LRMDA: variants seen among roughly 807,000 people sequenced by gnomAD.
The protein encoded by LRMDA is leucine rich melanocyte differentiation associated, also known as leucine-rich melanocyte differentiation-associated protein.
In LRMDA, 18 loss-of-function variants were observed where a neutral mutation model predicts 29.8. That is an observed-to-expected ratio of 0.60 (90% CI 0.42 to 0.90). LRMDA has a LOEUF of 0.90. Among genes scored for constraint, LRMDA ranks in the 40% least tolerant of loss-of-function variants. LRMDA has a pLI of 0.00. For synonymous variants in LRMDA, 125 were observed against 109.4 expected, an observed-to-expected ratio of 1.14 and a Z score of -0.89; for missense variants, 273 against 273.9, an observed-to-expected ratio of 1.00 and a Z score of 0.02.
intron 2 of LRMDA, among the ~76,000 whole-genome samples, chr10:75,775,752 A>C (rs771992597): frequency 3.9e-5 from 6 of 152,178 alleles, no homozygotes; most frequent in Admixed American, 6.5e-5. Context: ...CTCAATTCTT[A>C]TGGCATTGTC....
intron 2 of LRMDA, among the ~76,000 whole-genome samples, chr10:75,499,721 G>T (rs752345418): frequency 6.6e-6 from 1 of 152,194 alleles, no homozygotes; most frequent in Non-Finnish European, 1.5e-5. Flanking sequence ...GACACAGTGT[G>T]TGGGGAGGTG....
chr10:76,309,484 A>C (rs1002452046), intron 5 of LRMDA, among the ~76,000 whole-genome samples: 1 of 152,312 alleles, frequency 6.6e-6, no homozygotes, highest in East Asian at 1.9e-4. Context: ...TAGTGGGAGC[A>C]GACTCGAGCA....
At chr10:75,579,498 A>T (rs962432077) in intron 2 of LRMDA, among the ~76,000 whole-genome samples, 1 of 152,250 alleles carries the variant, frequency 6.6e-6, no homozygotes, top group Non-Finnish European at 1.5e-5. Flanking sequence ...AGGCATAAAG[A>T]GGAGCTGGTA....
At chr10:76,203,001 A>G (rs896530050) in intron 5 of LRMDA, among the ~76,000 whole-genome samples, 1 of 152,164 alleles carries the variant, frequency 6.6e-6, no homozygotes, top group Non-Finnish European at 1.5e-5. Context: ...TGCCATTGAG[A>G]AAGAGCTACT....
At chr10:76,256,198 T>C (rs1486581275) in intron 5 of LRMDA, among the ~76,000 whole-genome samples, 1 of 152,202 alleles carries the variant, frequency 6.6e-6, no homozygotes, top group Non-Finnish European at 1.5e-5. Context: ...CAATAGAGTA[T>C]CACAGTGAAG....
At chr10:75,487,222 C>T (rs1207315565) in intron 2 of LRMDA, among the ~76,000 whole-genome samples, 3 of 152,204 alleles carry the variant, frequency 2.0e-5, no homozygotes, top group Non-Finnish European at 4.4e-5. Context: ...ATCCAGCCTC[C>T]ATATAATATA....
intron 2 of LRMDA, among the ~76,000 whole-genome samples, chr10:75,600,829 A>G (rs570156257): frequency 2.6e-5 from 4 of 152,368 alleles, no homozygotes; most frequent in East Asian, 3.9e-4. Context: ...TTGCTGGGCT[A>G]TGATCTACTA....
chr10:75,921,053 CTTTAGATA>C (rs1409134228), intron 2 of LRMDA, among the ~76,000 whole-genome samples: 1 of 152,180 alleles, frequency 6.6e-6, no homozygotes, highest in Non-Finnish European at 1.5e-5. Flanking sequence ...TGGATTCACT[CTTTAGATA>C]TTTAAACAGG....
intron 6 of LRMDA, among the ~76,000 whole-genome samples, chr10:76,510,113 T>C (rs1002534946): frequency 5.3e-5 from 8 of 152,198 alleles, no homozygotes; most frequent in African/African-American, 1.4e-4. Flanking sequence ...CTTTGTTGTC[T>C]AGGCTGGAGT....
At chr10:76,203,627 T>G (rs936750529) in intron 5 of LRMDA, among the ~76,000 whole-genome samples, 2 of 152,274 alleles carry the variant, frequency 1.3e-5, no homozygotes, top group Admixed American at 1.3e-4. Context: ...CTTGCCCTGA[T>G]AGGGATTGTG....
At chr10:75,674,357 T>A (rs540633122) in intron 2 of LRMDA, among the ~76,000 whole-genome samples, 1 of 152,270 alleles carries the variant, frequency 6.6e-6, no homozygotes, top group East Asian at 1.9e-4. Context: ...TATATATATA[T>A]AACAGATAAG....
chr10:76,367,023 G>C (rs1301504023), intron 6 of LRMDA, among the ~76,000 whole-genome samples: 1 of 152,096 alleles, frequency 6.6e-6, no homozygotes, highest in East Asian at 1.9e-4. Context: ...TGTGATTTTT[G>C]TTTTTAATTC....
At chr10:75,673,264 T>C (rs2132145754) in intron 2 of LRMDA, among the ~76,000 whole-genome samples, 1 of 152,314 alleles carries the variant, frequency 6.6e-6, no homozygotes, top group East Asian at 1.9e-4. Flanking sequence ...AGCCTCCTTA[T>C]CCACCTAAAA....
intron 5 of LRMDA, among the ~76,000 whole-genome samples, chr10:76,105,915 T>A (rs1849473004): frequency 6.6e-6 from 1 of 151,970 alleles, no homozygotes; most frequent in Non-Finnish European, 1.5e-5. Context: ...CCCGGCTAAT[T>A]TTTGTATTTT....
intron 2 of LRMDA, among the ~76,000 whole-genome samples, chr10:75,846,372 T>C (rs1844637928): frequency 6.6e-6 from 1 of 152,112 alleles, no homozygotes; most frequent in African/African-American, 2.4e-5. Flanking sequence ...AGCCAAATAA[T>C]GAGAAAAGTC....
At chr10:76,332,115 G>A (rs980379580) in intron 6 of LRMDA, among the ~76,000 whole-genome samples, 4 of 152,232 alleles carry the variant, frequency 2.6e-5, no homozygotes, top group South Asian at 2.1e-4. Flanking sequence ...GTACAGAGCC[G>A]GGCTGGGTGG....
intron 2 of LRMDA, among the ~76,000 whole-genome samples, chr10:75,924,280 T>C (rs1476378068): frequency 6.6e-6 from 1 of 152,196 alleles, no homozygotes; most frequent in Non-Finnish European, 1.5e-5. Flanking sequence ...ACGCATAATG[T>C]ACCGAAAAAT....
intron 5 of LRMDA, among the ~76,000 whole-genome samples, chr10:76,137,583 C>A (rs1028522098): frequency 1.3e-5 from 2 of 152,062 alleles, no homozygotes; most frequent in African/African-American, 4.8e-5. Flanking sequence ...ATAAGAAAGG[C>A]CCTCCTGGGA....
At chr10:76,028,473 G>A (rs1320643796) in intron 2 of LRMDA, among the ~76,000 whole-genome samples, 1 of 151,944 alleles carries the variant, frequency 6.6e-6, no homozygotes, top group Non-Finnish European at 1.5e-5. Context: ...GTTTACATTA[G>A]ACACTGTGAA....
Sources: allele counts gnomAD v4.1 joint callset (sites outside exome capture counted in the v4.1 genomes callset), GRCh38; gene constraint gnomAD v4.1.1; transcripts MANE v1.5; gene names NCBI Gene and HGNC (gene_info 2026-07-23, HGNC 2026-07-21).